P2RY14: variants seen among roughly 807,000 people sequenced by gnomAD.
P2RY14 encodes the protein P2Y purinoceptor 14.
A neutral mutation model predicts 0.9 loss-of-function variants in P2RY14; 2 were observed. The observed-to-expected ratio is 2.16, with a 90% CI of 0.88 to 6.79. The LOEUF is 6.79. Among genes scored for constraint, P2RY14 ranks in the 30% most tolerant of loss-of-function variants. The probability of loss-of-function intolerance (pLI) is 0.05; values close to 1 mark genes in which losing one functional copy is unlikely to be tolerated. For synonymous variants in P2RY14, 158 were observed against 147.2 expected (o/e 1.07, Z -0.53); for missense variants, 378 against 400.1 (o/e 0.94, Z 0.47).
intron 1 of P2RY14, among the ~76,000 whole-genome samples, chr3:151,233,040 T>TA (rs972422226): frequency 9.2e-5 from 14 of 152,272 alleles, no homozygotes; most frequent in South Asian, 4.1e-4. Context: ...GATAAAGCAA[T>TA]AAAAAAACAC....
At chr3:151,242,998 C>T (rs1436351684) in intron 1 of P2RY14, among the ~76,000 whole-genome samples, 27 of 151,622 alleles carry the variant, frequency 1.8e-4, no homozygotes, top group Admixed American at 8.5e-4. Context: ...ATGCGATCAA[C>T]TGGAAGAAAG....
intron 1 of P2RY14, among the ~76,000 whole-genome samples, chr3:151,233,741 C>T (rs1732181655): frequency 6.6e-6 from 1 of 152,112 alleles, no homozygotes; most frequent in Non-Finnish European, 1.5e-5. Flanking sequence ...CTCAAAAAAA[C>T]AAAAACAAAA....
chr3:151,232,233 A>T (rs780525375), intron 1 of P2RY14, among the ~76,000 whole-genome samples: 1 of 152,202 alleles, frequency 6.6e-6, no homozygotes, highest in Non-Finnish European at 1.5e-5. Flanking sequence ...GTCTTTACTT[A>T]AAACATTGTT....
At chr3:151,224,554 C>G (rs1229799809) in intron 1 of P2RY14, among the ~76,000 whole-genome samples, 1 of 151,722 alleles carries the variant, frequency 6.6e-6, no homozygotes, top group African/African-American at 2.4e-5. Flanking sequence ...AAATAATTTA[C>G]AAATAACTGT....
chr3:151,220,858 A>G (rs1019601333), intron 1 of P2RY14, among the ~76,000 whole-genome samples: 7 of 152,220 alleles, frequency 4.6e-5, no homozygotes, highest in Admixed American at 1.3e-4. Context: ...CTGAAAAGGT[A>G]TCTGAAAATG....
chr3:151,258,349 A>G (rs936061916), intron 1 of P2RY14, among the ~76,000 whole-genome samples: 1 of 152,180 alleles, frequency 6.6e-6, no homozygotes, highest in African/African-American at 2.4e-5. Flanking sequence ...AATAATTTTT[A>G]GTACTTTCTA....
chr3:151,228,056 G>A (rs770178789), intron 1 of P2RY14, among the ~76,000 whole-genome samples: 1 of 152,186 alleles, frequency 6.6e-6, no homozygotes, highest in Admixed American at 6.5e-5. Context: ...TCTTGTTGGG[G>A]TCAGACCTTA....
intron 1 of P2RY14, among the ~76,000 whole-genome samples, chr3:151,277,540 G>A (rs192292221): frequency 9.9e-5 from 15 of 152,104 alleles, no homozygotes; most frequent in African/African-American, 3.1e-4. Flanking sequence ...GATTGTCCTT[G>A]GTTAACAAAG....
At chr3:151,257,796 A>G (rs1376712674) in intron 1 of P2RY14, among the ~76,000 whole-genome samples, 1 of 152,138 alleles carries the variant, frequency 6.6e-6, no homozygotes, top group Non-Finnish European at 1.5e-5. Context: ...ATTTTAGACC[A>G]CCTTTTGTTC....
At chr3:151,235,180 C>T (rs933357470) in intron 1 of P2RY14, among the ~76,000 whole-genome samples, 2 of 152,156 alleles carry the variant, frequency 1.3e-5, no homozygotes, top group Non-Finnish European at 2.9e-5. Context: ...TTAACCTACC[C>T]ACTTGAGCTT....
intron 2 of P2RY14, among the ~76,000 whole-genome samples, chr3:151,215,037 T>C (rs1727921201): frequency 6.6e-6 from 1 of 152,180 alleles, no homozygotes; most frequent in African/African-American, 2.4e-5. Flanking sequence ...ATGAAGACAG[T>C]GTCTAACAAA....
Position 151,213,261 on chromosome 3 carries a change from A to G in P2RY14, c.*39T>C, listed in dbSNP as rs932466851. 2.0e-6 allele frequency: 3 copies of G among 1,466,998 alleles called. No individual in the cohort carries two copies. The highest frequency in any genetic ancestry group is 2.1e-5 in the Admixed American group (1 of 46,656). 90.9% of individuals were successfully genotyped at this position (1,466,998 alleles called of 1,614,324 possible). A position where few individuals can be genotyped will look rare whatever the true frequency, so the allele number is the denominator to read the frequency against. On this transcript the variant is annotated 3_prime_UTR_variant, in exon 3 of 3. Coordinates refer to ENST00000309170, the MANE Select transcript of P2RY14 (RefSeq NM_014879.4). ...TTCTGTTATGTAATTGAAGATGACA[A>G]CATGCACACGTGGTCTTTCTTTGGA...
chr3:151,269,643 G>C (rs533611939), intron 1 of P2RY14: 2 of 393,782 alleles, frequency 5.1e-6, no homozygotes, highest in Non-Finnish European at 9.8e-6. Flanking sequence ...ATTATTTGAC[G>C]AGTTGAAGTG....
At chr3:151,265,818 C>A (rs1274777931) in intron 1 of P2RY14, among the ~76,000 whole-genome samples, 1 of 152,044 alleles carries the variant, frequency 6.6e-6, no homozygotes, top group Non-Finnish European at 1.5e-5. Flanking sequence ...TTTCTCCCTG[C>A]AAATTAAAGT....
At chr3:151,227,528 T>C (rs1213548843) in intron 1 of P2RY14, among the ~76,000 whole-genome samples, 1 of 152,252 alleles carries the variant, frequency 6.6e-6, no homozygotes, top group East Asian at 1.9e-4. Context: ...TGTGGCAGAC[T>C]GCAAGTCTAG....
chr3:151,275,387 T>C (rs1379579954), intron 1 of P2RY14, among the ~76,000 whole-genome samples: 1 of 152,032 alleles, frequency 6.6e-6, no homozygotes, highest in Non-Finnish European at 1.5e-5. Flanking sequence ...TGATGAGGGG[T>C]CAGAACATGA....
chr3:151,245,086 G>A (rs529920301), intron 1 of P2RY14, among the ~76,000 whole-genome samples: 21 of 152,288 alleles, frequency 1.4e-4, no homozygotes, highest in East Asian at 1.2e-3. Context: ...TTGAATCTCT[G>A]AATAGACCAA....
chr3:151,272,582 C>A (rs189103229), intron 1 of P2RY14, among the ~76,000 whole-genome samples: 1 of 152,154 alleles, frequency 6.6e-6, no homozygotes, highest in Non-Finnish European at 1.5e-5. Flanking sequence ...GATATTCTTA[C>A]AAAGTGCATA....
intron 1 of P2RY14, among the ~76,000 whole-genome samples, chr3:151,258,512 A>C (rs551977775): frequency 6.6e-6 from 1 of 152,260 alleles, no homozygotes; most frequent in East Asian, 1.9e-4. Context: ...GAATTTTCAC[A>C]TTCTTAGCTG....
Sources: gnomAD v4.1 joint callset for allele counts (sites outside exome capture counted in the v4.1 genomes callset) on GRCh38, gnomAD v4.1.1 for gene constraint, MANE v1.5 for transcripts, NCBI Gene and HGNC (gene_info 2026-07-23, HGNC 2026-07-21) for gene names.